Variants in ATP8A2 observed in about 807,000 individuals in gnomAD.
The protein encoded by ATP8A2 is phospholipid-transporting ATPase IB.
Under a neutral mutation model 165.6 loss-of-function variants are expected in ATP8A2, and 100 were observed. The observed-to-expected ratio is 0.60, with a 90% CI of 0.51 to 0.71. The LOEUF (loss-of-function observed/expected upper bound fraction) is 0.71, where lower values mean the gene tolerates loss of function less well. Ranked by LOEUF, ATP8A2 falls within the 30% of genes least tolerant of loss-of-function variation. ATP8A2 has a pLI of 0.00. For synonymous variants in ATP8A2, 543 were observed against 548.8 expected (o/e 0.99, Z 0.15); for missense variants, 1,227 against 1,479.5 (o/e 0.83, Z 2.80).
intron 24 of ATP8A2, among the ~76,000 whole-genome samples, chr13:25,661,313 G>T (rs2042046182): frequency 6.6e-6 from 1 of 152,132 alleles, no homozygotes; most frequent in Admixed American, 6.5e-5. Flanking sequence ...GTGTACATTA[G>T]CTTAAAATAA....
intron 33 of ATP8A2, among the ~76,000 whole-genome samples, chr13:25,892,085 C>T (rs1052943672): frequency 1.3e-5 from 2 of 151,836 alleles, no homozygotes; most frequent in Non-Finnish European, 2.9e-5. Context: ...CTCCCATTCT[C>T]CTGCCTCAGC....
At chr13:25,375,318 C>T (rs567824599) in intron 1 of ATP8A2, among the ~76,000 whole-genome samples, 20 of 152,268 alleles carry the variant, frequency 1.3e-4, no homozygotes, top group Middle Eastern at 6.8e-3. Flanking sequence ...CTACAGTGCA[C>T]GTGGGAAGAG....
intron 35 of ATP8A2, among the ~76,000 whole-genome samples, chr13:25,990,355 A>G (rs1956365907): frequency 6.6e-6 from 1 of 151,894 alleles, no homozygotes; most frequent in Non-Finnish European, 1.5e-5. Flanking sequence ...TATGTCGTGA[A>G]AAGTGTGGCA....
At chr13:25,891,781 C>T (rs1953369624) in intron 33 of ATP8A2, among the ~76,000 whole-genome samples, 1 of 152,030 alleles carries the variant, frequency 6.6e-6, no homozygotes, top group Admixed American at 6.5e-5. Flanking sequence ...CCAGGGATGT[C>T]CAAACTGTCC....
At position 25,443,930 on chromosome 13, in the gene ATP8A2, T is replaced by C. The variant is rs2034999711; in HGVS notation, c.77-25047T>C. The stretch of plus-strand genomic sequence containing the variant: ...AAATGCATTTGGCATATTTTATTTT[T>C]AAATGTCTTTTATTTTTGAGATTTA... On this transcript the variant is annotated intron_variant, in intron 1 of 36. Transcript: ENST00000381655. Among the ~76,000 whole-genome samples, 3 of 152,266 alleles carry C rather than the reference T, an allele frequency of 2.0e-5. No homozygotes were observed. The South Asian group carries it at 6.2e-4, about 31-fold the overall frequency.
intron 28 of ATP8A2, among the ~76,000 whole-genome samples, chr13:25,831,947 T>A (rs923166074): frequency 5.3e-5 from 8 of 152,198 alleles, no homozygotes; most frequent in Admixed American, 3.3e-4. Flanking sequence ...TATTTTTTTT[T>A]ATTTTTTTTG....
rs143648746 is a variant in ATP8A2, at chr13:25,743,656, C to T, written c.2385-25390C>T. ...GTTCTGGCATGTGTGGGACAGGAAA[C>T]GCCTGAAGGAATTTTAGACAAATGT... On this transcript the variant is annotated intron_variant, in intron 25 of 36. Coordinates refer to ENST00000381655, the MANE Select transcript of ATP8A2 (RefSeq NM_016529.6). Among the ~76,000 whole-genome samples the T allele has an allele frequency of 7.2e-5, 11 of 152,280 alleles. No individual in the cohort carries two copies. In the East Asian group the frequency reaches 1.9e-3, roughly 27 times the overall value.
intron 35 of ATP8A2, among the ~76,000 whole-genome samples, chr13:25,980,878 G>T (rs1430058499): frequency 1.3e-5 from 2 of 152,000 alleles, no homozygotes. Context: ...GCAAGACCTG[G>T]TTTCTAAAAA....
At chr13:25,999,724 G>A (rs528053798) in intron 35 of ATP8A2, among the ~76,000 whole-genome samples, 14 of 152,282 alleles carry the variant, frequency 9.2e-5, no homozygotes, top group Admixed American at 2.6e-4. Context: ...CACAGTAGGC[G>A]CAGTACAAAT....
intron 1 of ATP8A2, among the ~76,000 whole-genome samples, chr13:25,399,500 G>A (rs1280155808): frequency 7.1e-5 from 9 of 127,110 alleles, no homozygotes; most frequent in East Asian, 2.3e-4. Flanking sequence ...CTGGGTTCAC[G>A]CCATTCTCCT....
chr13:25,481,328 C>T (rs1051006706), intron 2 of ATP8A2, among the ~76,000 whole-genome samples: 7 of 152,142 alleles, frequency 4.6e-5, no homozygotes, highest in South Asian at 2.1e-4. Flanking sequence ...TTGTAACTAG[C>T]GACTGTGTGG....
intron 24 of ATP8A2, among the ~76,000 whole-genome samples, chr13:25,675,428 G>A (rs1287580763): frequency 6.6e-6 from 1 of 152,180 alleles, no homozygotes; most frequent in Non-Finnish European, 1.5e-5. Flanking sequence ...AGGGCAGACA[G>A]AATCAAATCA....
At chr13:25,998,421 G>GT (rs1956561647) in intron 35 of ATP8A2, among the ~76,000 whole-genome samples, 1 of 152,176 alleles carries the variant, frequency 6.6e-6, no homozygotes, top group Non-Finnish European at 1.5e-5. Flanking sequence ...GCTGGCATGG[G>GT]TTGGGGGTGA....
chr13:25,706,535 C>T (rs1045762115), intron 25 of ATP8A2, among the ~76,000 whole-genome samples: 2 of 152,122 alleles, frequency 1.3e-5, no homozygotes, highest in African/African-American at 4.8e-5. Flanking sequence ...TATCCTTCAG[C>T]CTGTGAACTA....
Position 25,579,826 on chromosome 13 carries a change from T to G in ATP8A2, c.1886T>G (p.Val629Gly). The change falls in exon 22 of 37, where the codon GTG becomes GGG. Residue 629 changes from valine to glycine, a missense_variant. By Grantham distance (109) the Val-to-Gly change is moderately radical. Around this residue, in one of 5 missense-constraint regions of ATP8A2, gnomAD observed 592 missense variants for 785.6 expected, o/e 0.75. Coordinates refer to ENST00000381655, the MANE Select transcript of ATP8A2 (RefSeq NM_016529.6). ...CTTGCAGGCTTGCGGACTCTCTGTG[T>G]GGCTTATGCTGATCTCTCTGAGAAT... ...FATEGLRTLC[V>G]AYADLSENEY... is the part of the protein sequence containing the mutation. The G allele has an allele frequency of 1.9e-6, 3 of 1,613,698 alleles. No homozygotes were observed. Among genetic ancestry groups the G allele is most frequent in the Non-Finnish European group, 2.5e-6 (3 of 1,179,754 alleles).
chr13:25,578,683 AT>A, intron 20 of ATP8A2, 131 bp from the exon 21 acceptor site: 1 of 692,660 alleles, frequency 1.4e-6, no homozygotes, highest in South Asian at 1.6e-5. Context: ...GCCCAGCCAA[AT>A]GCTAAATTCC....
chr13:25,968,741 C>T (rs926948853), intron 35 of ATP8A2, 62 bp downstream of exon 35: 3 of 1,308,946 alleles, frequency 2.3e-6, no homozygotes, highest in Non-Finnish European at 3.3e-6. Flanking sequence ...TCCCTTATTC[C>T]TTCCTGTATT....
At chr13:25,636,615 T>G (rs1295471053) in intron 24 of ATP8A2, among the ~76,000 whole-genome samples, 3 of 152,174 alleles carry the variant, frequency 2.0e-5, no homozygotes, top group Non-Finnish European at 4.4e-5. Flanking sequence ...TAAACAAACA[T>G]GAACCTGACA....
At chr13:25,381,671 C>T (rs2032841280) in intron 1 of ATP8A2, among the ~76,000 whole-genome samples, 1 of 152,162 alleles carries the variant, frequency 6.6e-6, no homozygotes, top group Non-Finnish European at 1.5e-5. Flanking sequence ...TTTGATTTCA[C>T]TCATAATTTG....
Sources: gnomAD v4.1 joint callset for allele counts (sites outside exome capture counted in the v4.1 genomes callset) on GRCh38, gnomAD v4.1.1 for gene constraint, gnomAD v4.1.1 regional missense constraint, MANE v1.5 for transcripts, NCBI Gene and HGNC (gene_info 2026-07-23, HGNC 2026-07-21) for gene names.